Variants in RARB observed in about 807,000 individuals in gnomAD.
The protein encoded by RARB is retinoic acid receptor beta, also known as HBV-activated protein.
In RARB, 17 loss-of-function variants were observed where a neutral mutation model predicts 51.9. That is an observed-to-expected ratio of 0.33 (90% CI 0.22 to 0.49). RARB has a LOEUF of 0.49. RARB is among the 20% of genes least tolerant of loss of function. RARB has a pLI of 0.99. For synonymous variants in RARB, 215 were observed against 195.4 expected (o/e 1.10, Z -0.84); for missense variants, 369 against 550.8 (o/e 0.67, Z 3.30).
chr3:25,037,103 C>G (rs1346259528), intron 2 of RARB, among the ~76,000 whole-genome samples: 1 of 152,136 alleles, frequency 6.6e-6, no homozygotes, highest in Non-Finnish European at 1.5e-5. Context: ...ACATTTATAG[C>G]TTCGTTGAAG....
rs150232576 is a variant in RARB, at chr3:24,891,222, C to T, written c.-380+32470C>T. On this transcript the variant is annotated intron_variant, in intron 2 of 11. Coordinates refer to the RARB transcript ENST00000383772. ...TTTGACGTTCCTTTCTACATATATT[C>T]CTATTTTCATTTAGATTATCTTCCA... is the stretch of plus-strand genomic sequence containing the variant. Among the ~76,000 whole-genome samples the T allele has an allele frequency of 4.3e-3, 659 of 152,258 alleles. 8 individuals are homozygous for T. The highest frequency in any genetic ancestry group is 1.9e-3 in the Non-Finnish European group (131 of 68,028).
chr3:25,487,050 C>T (rs1185145780), intron 2 of RARB, among the ~76,000 whole-genome samples: 1 of 152,136 alleles, frequency 6.6e-6, no homozygotes, highest in Non-Finnish European at 1.5e-5. Flanking sequence ...ACTAGTTCCC[C>T]TGCTCAGTCA....
Position 25,083,137 on chromosome 3 carries a change from T to A in RARB, c.-328+22961T>A, listed in dbSNP as rs532120263. On this transcript the variant is annotated intron_variant, in intron 3 of 11. Coordinates refer to the RARB transcript ENST00000383772. Reference sequence around the variant, plus strand: ...AATATTATATCATTAGGTATGATTTTTCTTTTTTTCTGATTGGGATTCATT... The same window carrying A: ...AATATTATATCATTAGGTATGATTTATCTTTTTTTCTGATTGGGATTCATT... Among the ~76,000 whole-genome samples, 289 of 31,704 alleles carry A rather than the reference T, an allele frequency of 9.1e-3. 1 individual carries two copies. The African/African-American group carries it at 0.098, about 11-fold the overall frequency. 20.8% of individuals were successfully genotyped at this position (31,704 alleles called of 152,430 possible). A position where few individuals can be genotyped will look rare whatever the true frequency, so the allele number is the denominator to read the frequency against.
intron 2 of RARB, among the ~76,000 whole-genome samples, chr3:24,874,362 G>A (rs186599142): frequency 6.6e-6 from 1 of 152,128 alleles, no homozygotes; most frequent in Non-Finnish European, 1.5e-5. Flanking sequence ...CTTCATTGGT[G>A]ATTCTTTTTA....
chr3:25,150,608 T>C (rs1446271089), intron 4 of RARB, among the ~76,000 whole-genome samples: 1 of 152,202 alleles, frequency 6.6e-6, no homozygotes, highest in Non-Finnish European at 1.5e-5. Flanking sequence ...CAGCCTACTT[T>C]TCTTATGTAT....
intron 5 of RARB, among the ~76,000 whole-genome samples, chr3:25,336,829 G>C (rs1705077124): frequency 6.6e-6 from 1 of 152,160 alleles, no homozygotes; most frequent in Non-Finnish European, 1.5e-5. Context: ...GGATGAGAGA[G>C]TGATTGACGC....
intron 1 of RARB, among the ~76,000 whole-genome samples, chr3:25,459,989 C>T (rs1695093601): frequency 2.0e-5 from 3 of 152,134 alleles, no homozygotes; most frequent in South Asian, 4.1e-4. Flanking sequence ...GAGAACACCC[C>T]GTTCTTATAT....
At chr3:25,066,320 T>C (rs918087499) in intron 3 of RARB, among the ~76,000 whole-genome samples, 1 of 152,222 alleles carries the variant, frequency 6.6e-6, no homozygotes, top group East Asian at 1.9e-4. Flanking sequence ...TCAGGAAAGA[T>C]TGTGGACTGA....
At chr3:25,028,643 G>A (rs538057384) in intron 2 of RARB, among the ~76,000 whole-genome samples, 2 of 152,294 alleles carry the variant, frequency 1.3e-5, no homozygotes, top group South Asian at 4.1e-4. Flanking sequence ...TCAAGTGTGT[G>A]AGGATAAAGG....
chr3:25,360,901 G>T (rs185140262), intron 5 of RARB, among the ~76,000 whole-genome samples: 1 of 152,256 alleles, frequency 6.6e-6, no homozygotes, highest in African/African-American at 2.4e-5. Flanking sequence ...CTCTCTGGCT[G>T]CCCTTAACAT....
intron 5 of RARB, among the ~76,000 whole-genome samples, chr3:25,206,821 A>C (rs910028399): frequency 2.6e-5 from 4 of 152,172 alleles, no homozygotes; most frequent in African/African-American, 9.6e-5. Context: ...ACTTTTTCTC[A>C]TCCATGTTCA....
At chr3:25,334,913 C>A (rs1199361059) in intron 5 of RARB, among the ~76,000 whole-genome samples, 1 of 152,050 alleles carries the variant, frequency 6.6e-6, no homozygotes, top group Non-Finnish European at 1.5e-5. Flanking sequence ...GTGTTGGTCA[C>A]CTTCTTTTTT....
At chr3:25,454,831 G>T (rs539225578) in intron 1 of RARB, among the ~76,000 whole-genome samples, 89 of 152,334 alleles carry the variant, frequency 5.8e-4, no homozygotes, top group Non-Finnish European at 1.1e-3. Context: ...CAGGTGTGTT[G>T]TAACAACAAG....
intron 2 of RARB, among the ~76,000 whole-genome samples, chr3:25,010,566 A>T (rs934922998): frequency 1.3e-5 from 2 of 152,106 alleles, no homozygotes; most frequent in Non-Finnish European, 2.9e-5. Flanking sequence ...AGGGACTCAC[A>T]CTCAACTAAC....
intron 2 of RARB, among the ~76,000 whole-genome samples, chr3:24,892,237 G>T (rs1302284480): frequency 1.3e-5 from 2 of 151,148 alleles, no homozygotes; most frequent in Admixed American, 6.6e-5. Flanking sequence ...AAAAAAAAAG[G>T]GATGTAGGTG....
chr3:25,574,648 C>T (rs1700850721), intron 4 of RARB, among the ~76,000 whole-genome samples: 1 of 152,136 alleles, frequency 6.6e-6, no homozygotes, highest in Non-Finnish European at 1.5e-5. Context: ...AGCTGTCCTC[C>T]GAGGGGCTTG....
intron 2 of RARB, among the ~76,000 whole-genome samples, chr3:25,037,761 C>T (rs924388799): frequency 5.9e-5 from 9 of 152,200 alleles, no homozygotes; most frequent in South Asian, 4.1e-4. Flanking sequence ...AGAGCAAATT[C>T]CCTACACATT....
chr3:25,440,732 C>T (rs1708636285), intron 1 of RARB, among the ~76,000 whole-genome samples: 1 of 151,962 alleles, frequency 6.6e-6, no homozygotes, highest in African/African-American at 2.4e-5. Context: ...GAGATCGCGC[C>T]ACTGCACTCC....
chr3:24,869,003 C>T (rs1287954623), intron 2 of RARB, among the ~76,000 whole-genome samples: 1 of 152,104 alleles, frequency 6.6e-6, no homozygotes, highest in Non-Finnish European at 1.5e-5. Context: ...ATGTCAAAGG[C>T]CTTTGGTGAC....
Sources: gnomAD v4.1 joint callset for allele counts (sites outside exome capture counted in the v4.1 genomes callset) on GRCh38, gnomAD v4.1.1 for gene constraint, MANE v1.5 for transcripts, NCBI Gene and HGNC (gene_info 2026-07-23, HGNC 2026-07-21) for gene names.